The following SPIDR variants were observed in gnomAD, a reference collection of about 807,000 sequenced individuals.
SPIDR encodes the protein DNA repair-scaffolding protein.
In SPIDR, 93 loss-of-function variants were observed where a neutral mutation model predicts 104.6. That is an observed-to-expected ratio of 0.89 (90% CI 0.75 to 1.06). The LOEUF is 1.06. SPIDR is among the 50% of genes least tolerant of loss of function. The probability of loss-of-function intolerance (pLI) is 0.00; values close to 1 mark genes in which losing one functional copy is unlikely to be tolerated. For synonymous variants in SPIDR, 431 were observed against 416.9 expected, an observed-to-expected ratio of 1.03 and a Z score of -0.41; for missense variants, 1,154 against 1,111.2, an observed-to-expected ratio of 1.04 and a Z score of -0.55.
At chr8:47,357,801 A>G in intron 5 of SPIDR, 1 of 952,342 alleles carries the variant, frequency 1.1e-6, no homozygotes, top group Non-Finnish European at 1.3e-6. Flanking sequence ...AAGGAAATGG[A>G]GAGGATATAA....
intron 8 of SPIDR, among the ~76,000 whole-genome samples, chr8:47,575,038 C>A (rs954857594): frequency 6.6e-6 from 1 of 152,064 alleles, no homozygotes; most frequent in Non-Finnish European, 1.5e-5. Context: ...CAAAACAGAA[C>A]CCCTGAGCTG....
At chr8:47,331,990 T>TTTTTTTTTTTTTTTTTC (rs2048809794) in intron 5 of SPIDR, among the ~76,000 whole-genome samples, 1 of 37,056 alleles carries the variant, frequency 2.7e-5, no homozygotes, top group Non-Finnish European at 4.6e-5. Context: ...TTTTTTTCTC[T>TTTTTTTTTTTTTTTTTC]TTTTTTTTTT....
At chr8:47,520,449 A>G (rs1055127563) in intron 8 of SPIDR, among the ~76,000 whole-genome samples, 2 of 152,138 alleles carry the variant, frequency 1.3e-5, no homozygotes, top group Non-Finnish European at 1.5e-5. Context: ...CTGGCTAAAG[A>G]GTAGTTTGTT....
intron 5 of SPIDR, among the ~76,000 whole-genome samples, chr8:47,339,862 G>A (rs1004447480): frequency 1.4e-4 from 22 of 151,860 alleles, no homozygotes; most frequent in African/African-American, 4.6e-4. Flanking sequence ...TGTATTTTTA[G>A]TATAGACGGG....
rs2069907129 is a variant in SPIDR at position 47,644,540 on chromosome 8, A to G, written c.1545-29261A>G. On this transcript the variant is annotated intron_variant, in intron 10 of 19. Coordinates refer to ENST00000297423, the MANE Select transcript of SPIDR (RefSeq NM_001080394.4). ...GGGCCGGCTCTCCAGAATAAAGTAA[A>G]TAAGATCATTTTCAATTGGTTTGTA... 2.6e-5 allele frequency among the ~76,000 whole-genome samples: 4 copies of G among 152,208 alleles called. No individual in the cohort carries two copies. The South Asian group carries it at 8.3e-4, about 32-fold the overall frequency.
At chr8:47,527,446 A>G (rs964428510) in intron 8 of SPIDR, 5 of 152,344 alleles carry the variant, frequency 3.3e-5, no homozygotes, top group African/African-American at 9.6e-5. Flanking sequence ...CCATACCACC[A>G]CATCAGCAAG....
intron 10 of SPIDR, among the ~76,000 whole-genome samples, chr8:47,599,847 A>G (rs2062045250): frequency 6.6e-6 from 1 of 152,100 alleles, no homozygotes. Context: ...TCTTTTTGCA[A>G]TCTCTGCCTC....
intron 11 of SPIDR, among the ~76,000 whole-genome samples, chr8:47,684,764 TAGAAAAA>T (rs747189488): frequency 6.6e-6 from 1 of 152,210 alleles, no homozygotes; most frequent in Non-Finnish European, 1.5e-5. Context: ...AGAAGTAATT[TAGAAAAA>T]TGATACAGTT....
chr8:47,424,347 C>T (rs2066066687), intron 7 of SPIDR, among the ~76,000 whole-genome samples: 1 of 152,134 alleles, frequency 6.6e-6, no homozygotes, highest in African/African-American at 2.4e-5. Context: ...CTCTGTTGCC[C>T]AGGCATGAGT....
intron 10 of SPIDR, among the ~76,000 whole-genome samples, chr8:47,648,604 A>C (rs1456225768): frequency 6.6e-6 from 1 of 152,250 alleles, no homozygotes; most frequent in African/African-American, 2.4e-5. Flanking sequence ...ACCTAGTGCC[A>C]GATAGTAGCT....
At chr8:47,492,359 A>C (rs1554740602) in intron 8 of SPIDR, among the ~76,000 whole-genome samples, 1 of 151,898 alleles carries the variant, frequency 6.6e-6, no homozygotes, top group African/African-American at 2.4e-5. Flanking sequence ...CATTTCCTCT[A>C]CGGAGGGGTT....
At chr8:47,505,960 C>G (rs969771031) in intron 8 of SPIDR, among the ~76,000 whole-genome samples, 1 of 152,214 alleles carries the variant, frequency 6.6e-6, no homozygotes. Flanking sequence ...TATTGCCCTC[C>G]TGGCACATTG....
intron 10 of SPIDR, among the ~76,000 whole-genome samples, chr8:47,658,796 C>T (rs748812436): frequency 3.3e-5 from 5 of 151,290 alleles, no homozygotes; most frequent in Non-Finnish European, 7.4e-5. Flanking sequence ...ATTAGCAGGG[C>T]GTGGTGGCAG....
chr8:47,543,661 G>A (rs2088686553), intron 8 of SPIDR, among the ~76,000 whole-genome samples: 1 of 152,142 alleles, frequency 6.6e-6, no homozygotes, highest in Non-Finnish European at 1.5e-5. Flanking sequence ...CTCTTCATAG[G>A]TCACATGTTA....
intron 5 of SPIDR, among the ~76,000 whole-genome samples, chr8:47,296,061 C>T (rs1380192085): frequency 1.3e-5 from 2 of 152,072 alleles, no homozygotes; most frequent in African/African-American, 4.8e-5. Context: ...TAATATATAT[C>T]TGTTGGCCAT....
chr8:47,372,219 TTTTA>T (rs1353139757), intron 5 of SPIDR, among the ~76,000 whole-genome samples: 3 of 152,162 alleles, frequency 2.0e-5, no homozygotes, highest in Admixed American at 6.5e-5. Flanking sequence ...AAGAAAAATG[TTTTA>T]TTTATCGTTT....
chr8:47,296,950 G>A (rs1306082794), intron 5 of SPIDR, among the ~76,000 whole-genome samples: 2 of 152,042 alleles, frequency 1.3e-5, no homozygotes, highest in East Asian at 1.9e-4. Flanking sequence ...TACATCTATT[G>A]CCTCCTTAAA....
At chr8:47,691,156 G>T (rs183913189) in intron 11 of SPIDR, among the ~76,000 whole-genome samples, 93 of 151,882 alleles carry the variant, frequency 6.1e-4, no homozygotes, top group Middle Eastern at 3.4e-3. Context: ...GCCCTGCATG[G>T]TGGTGCACGC....
intron 5 of SPIDR, among the ~76,000 whole-genome samples, chr8:47,384,360 A>G (rs2059646566): frequency 1.3e-5 from 2 of 152,248 alleles, no homozygotes; most frequent in Non-Finnish European, 2.9e-5. Context: ...AACTACTAAA[A>G]TAAAGCTTTT....
Sources: gnomAD v4.1 joint callset for allele counts (sites outside exome capture counted in the v4.1 genomes callset) on GRCh38, gnomAD v4.1.1 for gene constraint, MANE v1.5 for transcripts, NCBI Gene and HGNC (gene_info 2026-07-23, HGNC 2026-07-21) for gene names.